The following DEPTOR variants were observed in gnomAD, a reference collection of about 807,000 sequenced individuals.
The protein encoded by DEPTOR is DEP domain-containing mTOR-interacting protein.
DEPTOR carries 41 observed loss-of-function variants against 41.6 expected under a neutral mutation model. The observed-to-expected ratio is 0.98, with a 90% CI of 0.77 to 1.28. DEPTOR has a LOEUF of 1.28. Among genes scored for constraint, DEPTOR ranks in the 50% most tolerant of loss-of-function variants. The probability of loss-of-function intolerance (pLI) is 0.00; values close to 1 mark genes in which losing one functional copy is unlikely to be tolerated. For synonymous variants in DEPTOR, 195 were observed against 192.3 expected, an observed-to-expected ratio of 1.01 and a Z score of -0.12; for missense variants, 514 against 527.9, an observed-to-expected ratio of 0.97 and a Z score of 0.26.
At position 120,033,181 on chromosome 8, in the gene DEPTOR, G is replaced by A. The variant is rs370358959; in HGVS notation, c.1102-16395G>A. ...CAACTTACTGCAACCTCTGCCTCCC[G>A]GGTTCAAGCAATTCTCCTGCCTCAG... On this transcript the variant is annotated intron_variant, in intron 8 of 8. Coordinates refer to ENST00000286234, the MANE Select transcript of DEPTOR (RefSeq NM_022783.4). Among the ~76,000 whole-genome samples, 8 of 148,972 alleles carry A rather than the reference G, an allele frequency of 5.4e-5. No homozygotes were observed. The East Asian group carries it at 6.0e-4, about 11-fold the overall frequency.
In DEPTOR at chr8:119,928,158, G is replaced by A. The variant is rs1369330322; in HGVS notation, c.123-242G>A. Among the ~76,000 whole-genome samples, 3 of 152,196 alleles carry A rather than the reference G, an allele frequency of 2.0e-5. No homozygotes were observed. The East Asian group carries it at 5.8e-4, about 30-fold the overall frequency. ...TTTCTCACTCTCAGGAGTGGCAGGA[G>A]GGTTCTGGGTTGGCTGTGATTGTTT... On this transcript the variant is annotated intron_variant, in intron 1 of 8. Coordinates refer to ENST00000286234, the MANE Select transcript of DEPTOR (RefSeq NM_022783.4).
At chr8:119,875,042 G>A (rs1194391624) in intron 1 of DEPTOR, among the ~76,000 whole-genome samples, 1 of 152,102 alleles carries the variant, frequency 6.6e-6, no homozygotes, top group East Asian at 1.9e-4. Flanking sequence ...AATATTGGAA[G>A]TCAGAATTAA....
At chr8:120,012,391 T>C (rs1017301662) in intron 8 of DEPTOR, among the ~76,000 whole-genome samples, 11 of 152,208 alleles carry the variant, frequency 7.2e-5, no homozygotes, top group African/African-American at 2.7e-4. Flanking sequence ...AGCATGTTAC[T>C]GTACTGAATA....
At chr8:119,888,858 CAAAAAAAAAAAAA>C (rs34471575) in intron 1 of DEPTOR, among the ~76,000 whole-genome samples, 12 of 63,866 alleles carry the variant, frequency 1.9e-4, no homozygotes, top group African/African-American at 7.3e-4. Context: ...TCTGTCTCAG[CAAAAAAAAAAAAA>C]AAAAAAAAAA....
At chr8:119,985,826 C>CTTTTTTTTTT (rs999602227) in intron 4 of DEPTOR, among the ~76,000 whole-genome samples, 1 of 41,632 alleles carries the variant, frequency 2.4e-5, no homozygotes, top group African/African-American at 1.1e-4. Context: ...AACCCCTGCT[C>CTTTTTTTTTT]TTTTTTTTTT....
At chr8:119,940,454 G>A (rs1828187853) in intron 3 of DEPTOR, among the ~76,000 whole-genome samples, 2 of 152,014 alleles carry the variant, frequency 1.3e-5, no homozygotes, top group South Asian at 2.1e-4. Context: ...GCCTTAAAAA[G>A]GAAAAATATG....
At chr8:119,934,606 A>T (rs564927331) in intron 3 of DEPTOR, among the ~76,000 whole-genome samples, 1 of 152,234 alleles carries the variant, frequency 6.6e-6, no homozygotes, top group Non-Finnish European at 1.5e-5. Context: ...ACTGACCGAG[A>T]TCCATCTGTA....
intron 1 of DEPTOR, among the ~76,000 whole-genome samples, chr8:119,895,563 T>C (rs1827509926): frequency 6.6e-6 from 1 of 152,208 alleles, no homozygotes; most frequent in Non-Finnish European, 1.5e-5. Flanking sequence ...TGAATGGCTT[T>C]ATTTCTGGAG....
rs922283384 is a variant in DEPTOR, at chr8:119,942,030, G to A, written c.425+12092G>A. Among the ~76,000 whole-genome samples the A allele has an allele frequency of 7.9e-5, 12 of 152,048 alleles. No homozygotes were observed. The South Asian group carries it at 8.3e-4, about 11-fold the overall frequency. ...TTTTGGAAATCACATCCTTCTTACC[G>A]TTTCTTTGTAATGCCCCCCTCCCCC... On this transcript the variant is annotated intron_variant, in intron 3 of 8. Transcript: ENST00000286234.
intron 3 of DEPTOR, among the ~76,000 whole-genome samples, chr8:119,943,268 C>T (rs1016172247): frequency 5.3e-5 from 8 of 152,252 alleles, no homozygotes; most frequent in Middle Eastern, 3.4e-3. Flanking sequence ...ATTCTCACAC[C>T]GCTGTAACGA....
At chr8:119,963,533 T>A (rs1211996663) in intron 3 of DEPTOR, among the ~76,000 whole-genome samples, 1 of 152,070 alleles carries the variant, frequency 6.6e-6, no homozygotes, top group African/African-American at 2.4e-5. Context: ...GTATTTTTAA[T>A]AGAGATGGGG....
At position 120,049,904 on chromosome 8, in the gene DEPTOR, G is replaced by A; in HGVS notation, c.*200G>A. 1 of 527,410 alleles carries A rather than the reference G, an allele frequency of 1.9e-6. No homozygotes were observed. Among genetic ancestry groups the A allele is most frequent in the Non-Finnish European group, 3.0e-6 (1 of 338,742 alleles). 32.7% of individuals were successfully genotyped at this position (527,410 alleles called of 1,614,324 possible). A position where few individuals can be genotyped will look rare whatever the true frequency, so the allele number is the denominator to read the frequency against. On this transcript the variant is annotated 3_prime_UTR_variant, in exon 9 of 9. Coordinates refer to ENST00000286234, the MANE Select transcript of DEPTOR (RefSeq NM_022783.4). Reference sequence around the variant, plus strand: ...CATATCTTTTTTAAAAAATGTCAGTGTAGAAAACATTTGGGAAACCATTTT... The same window carrying A: ...CATATCTTTTTTAAAAAATGTCAGTATAGAAAACATTTGGGAAACCATTTT...
intron 3 of DEPTOR, among the ~76,000 whole-genome samples, chr8:119,942,060 G>C (rs767926256): frequency 3.9e-5 from 6 of 152,144 alleles, no homozygotes; most frequent in Non-Finnish European, 8.8e-5. Flanking sequence ...TCCCCCTGCT[G>C]TAACATATAT....
intron 3 of DEPTOR, among the ~76,000 whole-genome samples, chr8:119,938,769 CA>C (rs1376198542): frequency 6.6e-6 from 1 of 152,092 alleles, no homozygotes; most frequent in Admixed American, 6.6e-5. Context: ...CTCGGCCTCC[CA>C]AATTGTTGGG....
chr8:119,952,774 T>C (rs1296415479), intron 3 of DEPTOR, among the ~76,000 whole-genome samples: 1 of 152,084 alleles, frequency 6.6e-6, no homozygotes, highest in Non-Finnish European at 1.5e-5. Flanking sequence ...TTCAGGGAAG[T>C]GAAAATGGGA....
chr8:119,897,696 C>A (rs929285756), intron 1 of DEPTOR, among the ~76,000 whole-genome samples: 1 of 152,186 alleles, frequency 6.6e-6, no homozygotes, highest in Non-Finnish European at 1.5e-5. Context: ...TTTTTTCACA[C>A]AAGACCTTGA....
At chr8:119,997,610 T>TGA (rs1812286078) in intron 4 of DEPTOR, among the ~76,000 whole-genome samples, 1 of 152,222 alleles carries the variant, frequency 6.6e-6, no homozygotes. Flanking sequence ...TTTATTCATT[T>TGA]GGCCAAAGTG....
chr8:120,005,497 C>T (rs1179037199), intron 6 of DEPTOR, among the ~76,000 whole-genome samples: 3 of 152,186 alleles, frequency 2.0e-5, no homozygotes, highest in Non-Finnish European at 4.4e-5. Flanking sequence ...CCTTGCCCCA[C>T]GCTGCCTTTC....
intron 8 of DEPTOR, among the ~76,000 whole-genome samples, chr8:120,030,818 C>G (rs12542032): frequency 0.27 from 40,117 of 151,346 alleles, 5,590 homozygotes; most frequent in South Asian, 0.47. Context: ...GTTGTTGAGA[C>G]AGGGTCTCGC....
Sources: allele counts gnomAD v4.1 joint callset (sites outside exome capture counted in the v4.1 genomes callset), GRCh38; gene constraint gnomAD v4.1.1; transcripts MANE v1.5; gene names NCBI Gene and HGNC (gene_info 2026-07-23, HGNC 2026-07-21).